The following JARID2 variants were observed in gnomAD, a reference collection of about 807,000 sequenced individuals.
The protein encoded by JARID2 is protein Jumonji.
Under a neutral mutation model 125.6 loss-of-function variants are expected in JARID2, and 21 were observed. The observed-to-expected ratio is 0.17, with a 90% CI of 0.12 to 0.24. JARID2 has a LOEUF of 0.24. Among genes scored for constraint, JARID2 ranks in the 10% least tolerant of loss-of-function variants. JARID2 has a pLI of 1.00. For missense variants in JARID2, 1,303 were observed against 1,639.6 expected (o/e 0.79, Z 3.55); for synonymous variants, 736 against 661.6 (o/e 1.11, Z -1.73).
chr6:15,318,609 AC>A (rs1353876884), intron 1 of JARID2, among the ~76,000 whole-genome samples: 1 of 151,362 alleles, frequency 6.6e-6, no homozygotes, highest in Admixed American at 6.6e-5. Context: ...CACTGGAGGC[AC>A]CCCCCTCCCC....
chr6:15,323,988 C>T (rs978707842), intron 1 of JARID2, among the ~76,000 whole-genome samples: 1 of 150,788 alleles, frequency 6.6e-6, no homozygotes, highest in East Asian at 2.0e-4. Context: ...CGAGACCATC[C>T]TGGCTAACAT....
intron 2 of JARID2, among the ~76,000 whole-genome samples, chr6:15,399,340 A>G (rs1765336064): frequency 6.6e-6 from 1 of 152,164 alleles, no homozygotes; most frequent in South Asian, 2.1e-4. Flanking sequence ...ACCTTTGCTA[A>G]GAGACAAACT....
intron 2 of JARID2, among the ~76,000 whole-genome samples, chr6:15,405,074 C>T (rs981730262): frequency 1.3e-5 from 2 of 152,090 alleles, no homozygotes; most frequent in Admixed American, 6.5e-5. Context: ...TTAGAAGTTC[C>T]TTCAGCTAAA....
intron 1 of JARID2, among the ~76,000 whole-genome samples, chr6:15,365,294 T>C (rs1763934335): frequency 6.6e-6 from 1 of 152,228 alleles, no homozygotes; most frequent in Non-Finnish European, 1.5e-5. Context: ...AATCCTGCTG[T>C]AGATCTTGGG....
At chr6:15,258,523 C>T (rs1581333345) in intron 1 of JARID2, among the ~76,000 whole-genome samples, 1 of 152,202 alleles carries the variant, frequency 6.6e-6, no homozygotes, top group African/African-American at 2.4e-5. Flanking sequence ...GTGGCTCACA[C>T]CTGTAATCCC....
chr6:15,251,675 T>A (rs958628792), intron 1 of JARID2, among the ~76,000 whole-genome samples: 1 of 152,174 alleles, frequency 6.6e-6, no homozygotes, highest in Non-Finnish European at 1.5e-5. Flanking sequence ...TTAAGTATTA[T>A]GTCAACCTTG....
At chr6:15,506,923 A>T (rs964483759) in intron 9 of JARID2, among the ~76,000 whole-genome samples, 4 of 152,216 alleles carry the variant, frequency 2.6e-5, no homozygotes, top group Non-Finnish European at 4.4e-5. Context: ...AACATGGGTG[A>T]GACCCTGCTT....
In JARID2 at chr6:15,468,591, TGAGGAGGAAGTCGAG is replaced by T; in HGVS notation, c.549_563del (p.Glu184_Glu188del). ...TGGTGTATTTTGGAAGCTCTCAGGA[TGAGGAGGAAGTCGAG>T]GAGGAAGATGATGAGACAGAAGACG... On this transcript the variant is annotated inframe_deletion, in exon 5 of 18. Coordinates refer to ENST00000341776, the MANE Select transcript of JARID2 (RefSeq NM_004973.4). 1 of 1,613,980 alleles carries T rather than the reference TGAGGAGGAAGTCGAG, an allele frequency of 6.2e-7. No homozygotes were observed. Among genetic ancestry groups the T allele is most frequent in the Non-Finnish European group, 8.5e-7 (1 of 1,179,974 alleles).
chr6:15,311,256 GTCTC>G (rs199650212), intron 1 of JARID2, among the ~76,000 whole-genome samples: 2,734 of 152,240 alleles, frequency 0.018, 31 homozygotes, highest in Non-Finnish European at 0.026. Flanking sequence ...GGCATGGTGA[GTCTC>G]TCTGGTACAC....
At chr6:15,414,487 C>A (rs75616711) in intron 3 of JARID2, among the ~76,000 whole-genome samples, 1 of 152,088 alleles carries the variant, frequency 6.6e-6, no homozygotes, top group African/African-American at 2.4e-5. Flanking sequence ...ATTTCTAATT[C>A]TCTTCCTCAG....
At chr6:15,386,456 G>T (rs1303687561) in intron 2 of JARID2, among the ~76,000 whole-genome samples, 2 of 152,122 alleles carry the variant, frequency 1.3e-5, no homozygotes, top group Non-Finnish European at 2.9e-5. Context: ...CGCTGAAAAG[G>T]TTCCTCCTTC....
Position 15,520,263 on chromosome 6 carries a change from CCCGTG to C in JARID2, c.*13_*17del. 1 of 1,569,850 alleles carries C rather than the reference CCCGTG, an allele frequency of 6.4e-7. No individual in the cohort carries two copies. The highest frequency in any genetic ancestry group is 8.6e-7 in the Non-Finnish European group (1 of 1,161,368). On this transcript the variant is annotated 3_prime_UTR_variant, in exon 18 of 18. Transcript: ENST00000341776. ...CGAGCTCATCATGAAGATGCCAACG[CCCGTG>C]GTCGATTTATATATATTTTTTTGTA... is the stretch of plus-strand genomic sequence containing the variant.
chr6:15,418,138 A>T (rs1250463560), intron 3 of JARID2, among the ~76,000 whole-genome samples: 1 of 151,690 alleles, frequency 6.6e-6, no homozygotes, highest in East Asian at 1.9e-4. Flanking sequence ...CTGCTCATGC[A>T]TTAGTCATTG....
intron 1 of JARID2, among the ~76,000 whole-genome samples, chr6:15,278,881 C>T (rs1212915120): frequency 6.6e-6 from 1 of 152,106 alleles, no homozygotes; most frequent in Non-Finnish European, 1.5e-5. Flanking sequence ...TTAGCCTGGC[C>T]AACAAGGCGA....
intron 1 of JARID2, among the ~76,000 whole-genome samples, chr6:15,247,287 C>A (rs1267887389): frequency 6.6e-6 from 1 of 152,188 alleles, no homozygotes; most frequent in Non-Finnish European, 1.5e-5. Flanking sequence ...CAAATAATTT[C>A]TCCCTGTTAA....
At chr6:15,388,002 G>A (rs1764853912) in intron 2 of JARID2, among the ~76,000 whole-genome samples, 1 of 152,114 alleles carries the variant, frequency 6.6e-6, no homozygotes, top group African/African-American at 2.4e-5. Context: ...ACCAGATAGG[G>A]CTTCCTACAG....
At chr6:15,472,404 T>G (rs936746175) in intron 5 of JARID2, among the ~76,000 whole-genome samples, 16 of 152,192 alleles carry the variant, frequency 1.1e-4, no homozygotes, top group Non-Finnish European at 1.9e-4. Context: ...GTGCTTCCTT[T>G]TCTGAGACTT....
intron 3 of JARID2, among the ~76,000 whole-genome samples, chr6:15,410,879 C>T (rs980996647): frequency 2.0e-5 from 3 of 152,122 alleles, no homozygotes; most frequent in African/African-American, 7.2e-5. Context: ...CTTAGAACAG[C>T]AGTTATTTTT....
chr6:15,271,399 CA>C (rs1177180799), intron 1 of JARID2, among the ~76,000 whole-genome samples: 2 of 152,210 alleles, frequency 1.3e-5, no homozygotes, highest in African/African-American at 4.8e-5. Flanking sequence ...GTTCTTGGTG[CA>C]GTGGTTCGCT....
Sources: gnomAD v4.1 joint callset for allele counts (sites outside exome capture counted in the v4.1 genomes callset) on GRCh38, gnomAD v4.1.1 for gene constraint, MANE v1.5 for transcripts, NCBI Gene and HGNC (gene_info 2026-07-23, HGNC 2026-07-21) for gene names.